Variants in SASH1 observed in about 807,000 individuals in gnomAD.
The protein encoded by SASH1 is SAM and SH3 domain-containing protein 1.
In SASH1, 44 loss-of-function variants were observed where a neutral mutation model predicts 125.2. The observed-to-expected ratio is 0.35, with a 90% CI of 0.28 to 0.45. SASH1 has a LOEUF of 0.45. Ranked by LOEUF, SASH1 falls within the 20% of genes least tolerant of loss-of-function variation. SASH1 has a pLI of 1.00. For missense variants in SASH1, 1,426 were observed against 1,614.5 expected (o/e 0.88, Z 2.00); for synonymous variants, 639 against 649.1 (o/e 0.98, Z 0.24).
intron 1 of SASH1, among the ~76,000 whole-genome samples, chr6:148,308,944 G>C (rs6902278): frequency 0.27 from 40,301 of 150,596 alleles, 5,532 homozygotes; most frequent in South Asian, 0.35. Context: ...ATTAGCCAGG[G>C]GTGGTGGCAC....
intron 1 of SASH1, among the ~76,000 whole-genome samples, chr6:148,358,251 C>T (rs139838348): frequency 2.0e-5 from 3 of 151,994 alleles, no homozygotes; most frequent in African/African-American, 7.2e-5. Context: ...TAATCCAGGG[C>T]GAGAGTTGCT....
chr6:148,413,692 C>T (rs187097715), intron 2 of SASH1, among the ~76,000 whole-genome samples: 3 of 152,180 alleles, frequency 2.0e-5, no homozygotes, highest in Non-Finnish European at 4.4e-5. Flanking sequence ...AACATTTAGT[C>T]AAGAAGTTTG....
chr6:148,372,575 T>C (rs1185916522), intron 1 of SASH1, among the ~76,000 whole-genome samples: 2 of 152,164 alleles, frequency 1.3e-5, no homozygotes, highest in African/African-American at 4.8e-5. Flanking sequence ...AAAGTAGATA[T>C]GCTACTTAGA....
intron 8 of SASH1, among the ~76,000 whole-genome samples, chr6:148,512,033 T>TTTATTTA (rs1562470772): frequency 2.8e-5 from 2 of 71,358 alleles, no homozygotes; most frequent in Non-Finnish European, 7.0e-5. Context: ...TTATTTATTT[T>TTTATTTA]TTTGAGACAG....
intron 4 of SASH1, among the ~76,000 whole-genome samples, chr6:148,442,714 T>A (rs754408786): frequency 2.0e-5 from 3 of 152,172 alleles, no homozygotes; most frequent in Non-Finnish European, 4.4e-5. Context: ...GGAAACTTAA[T>A]AACTTTTTCT....
chr6:148,307,433 C>A (rs1345132326), intron 1 of SASH1, among the ~76,000 whole-genome samples: 1 of 151,944 alleles, frequency 6.6e-6, no homozygotes, highest in Non-Finnish European at 1.5e-5. Flanking sequence ...CCTTTATAGG[C>A]AACTGGAGAG....
intron 16 of SASH1, among the ~76,000 whole-genome samples, chr6:148,539,813 C>T (rs546310846): frequency 2.6e-5 from 4 of 152,262 alleles, no homozygotes; most frequent in African/African-American, 9.6e-5. Context: ...AGAAGATTTG[C>T]CACTGGCCTG....
At chr6:148,417,282 A>G (rs1583120823) in intron 2 of SASH1, among the ~76,000 whole-genome samples, 1 of 152,144 alleles carries the variant, frequency 6.6e-6, no homozygotes, top group Non-Finnish European at 1.5e-5. Context: ...ATCTTAGGGT[A>G]GCAGTTAAGA....
Position 148,546,781 on chromosome 6 carries a change from TGTCTA to T in SASH1, c.3480+639_3480+643del, listed in dbSNP as rs139918882. Reference sequence around the variant, plus strand: ...AATTTTTACTTGTCCATTAAAACTCTGTCTAGTCATTTCTCTGCACATGCGTAATG... The same window carrying T: ...AATTTTTACTTGTCCATTAAAACTCTGTCATTTCTCTGCACATGCGTAATG... On this transcript the variant is annotated intron_variant, in intron 19 of 19. Transcript: ENST00000367467. Among the ~76,000 whole-genome samples, 670 of 152,312 alleles carry T rather than the reference TGTCTA, an allele frequency of 4.4e-3. 5 individuals are homozygous for T. The highest frequency in any genetic ancestry group is 0.015 in the African/African-American group (624 of 41,566).
At chr6:148,421,673 G>T (rs1375175332) in intron 2 of SASH1, among the ~76,000 whole-genome samples, 2 of 152,202 alleles carry the variant, frequency 1.3e-5, no homozygotes, top group African/African-American at 2.4e-5. Flanking sequence ...TTGAAACACT[G>T]TTGACCACCT....
the SASH1 span, among the ~76,000 whole-genome samples, chr6:148,236,159 G>T: frequency 6.6e-6 from 1 of 152,096 alleles, no homozygotes; most frequent in Admixed American, 6.6e-5. Context: ...AGAGGTCAGG[G>T]AACAGGAAGG....
intron 4 of SASH1, among the ~76,000 whole-genome samples, chr6:148,447,177 T>C (rs1776832283): frequency 6.6e-6 from 1 of 152,212 alleles, no homozygotes. Flanking sequence ...TTCACTGGAG[T>C]TGAACATTCA....
chr6:148,377,585 T>G (rs912657706), intron 1 of SASH1, among the ~76,000 whole-genome samples: 1 of 152,266 alleles, frequency 6.6e-6, no homozygotes, highest in Admixed American at 6.5e-5. Flanking sequence ...TTAGGAGGCT[T>G]GGTTTCTTGT....
chr6:148,470,028 T>TA (rs11431914), intron 5 of SASH1, among the ~76,000 whole-genome samples: 40,700 of 121,190 alleles, frequency 0.34, 6,696 homozygotes, highest in East Asian at 0.62. Flanking sequence ...TCTGTCTCAC[T>TA]AAAAAAAAAA....
intron 9 of SASH1, among the ~76,000 whole-genome samples, chr6:148,515,747 C>T (rs1012066327): frequency 3.2e-4 from 48 of 152,264 alleles, no homozygotes; most frequent in African/African-American, 1.0e-3. Context: ...CGGCCCTTAC[C>T]GAAATCACAG....
intron 1 of SASH1, among the ~76,000 whole-genome samples, chr6:148,281,719 G>C (rs111857458): frequency 0.038 from 5,814 of 152,178 alleles, 150 homozygotes; most frequent in Middle Eastern, 0.075. Context: ...TCAGGAGATC[G>C]AGACCATCCT....
At chr6:148,409,251 G>A (rs941501548) in intron 2 of SASH1, among the ~76,000 whole-genome samples, 23 of 152,190 alleles carry the variant, frequency 1.5e-4, no homozygotes, top group African/African-American at 5.1e-4. Flanking sequence ...ATAGTGCCTT[G>A]TGCCTCACGG....
At chr6:148,224,163 T>A in the SASH1 span, among the ~76,000 whole-genome samples, 2 of 152,050 alleles carry the variant, frequency 1.3e-5, no homozygotes, top group Non-Finnish European at 2.9e-5. Context: ...AGGTTCGGTG[T>A]CTCACACCTA....
the SASH1 span, among the ~76,000 whole-genome samples, chr6:148,233,740 T>TATAAAAAA: frequency 8.5e-5 from 1 of 11,696 alleles, no homozygotes; most frequent in African/African-American, 1.4e-3. Flanking sequence ...GCTTCCTCTC[T>TATAAAAAA]ACAAAAAAAA....
Sources: gnomAD v4.1 joint callset for allele counts (sites outside exome capture counted in the v4.1 genomes callset) on GRCh38, gnomAD v4.1.1 for gene constraint, MANE v1.5 for transcripts, NCBI Gene and HGNC (gene_info 2026-07-23, HGNC 2026-07-21) for gene names.